Variants in CAMTA1 observed in about 807,000 individuals in gnomAD.
The protein encoded by CAMTA1 is calmodulin-binding transcription activator 1.
A neutral mutation model predicts 170.9 loss-of-function variants in CAMTA1; 27 were observed. The observed-to-expected ratio is 0.16, with a 90% CI of 0.12 to 0.22. CAMTA1 has a LOEUF of 0.22. Among genes scored for constraint, CAMTA1 ranks in the 10% least tolerant of loss-of-function variants. The pLI is 1.00. For synonymous variants in CAMTA1, 833 were observed against 891.5 expected, an observed-to-expected ratio of 0.93 and a Z score of 1.17; for missense variants, 1,619 against 2,217.2, an observed-to-expected ratio of 0.73 and a Z score of 5.42.
chr1:6,847,529 T>G (rs1341783771), intron 3 of CAMTA1, among the ~76,000 whole-genome samples: 2 of 151,538 alleles, frequency 1.3e-5, no homozygotes, highest in East Asian at 1.9e-4. Flanking sequence ...TATGCCACGT[T>G]GCGTTTAAAT....
chr1:6,939,143 T>A (rs1685973152), intron 3 of CAMTA1, among the ~76,000 whole-genome samples: 1 of 152,172 alleles, frequency 6.6e-6, no homozygotes, highest in East Asian at 1.9e-4. Context: ...CCTTTGGGAT[T>A]TGGGTTCGTA....
At chr1:6,863,255 A>G (rs1171611428) in intron 3 of CAMTA1, among the ~76,000 whole-genome samples, 1 of 152,208 alleles carries the variant, frequency 6.6e-6, no homozygotes, top group African/African-American at 2.4e-5. Flanking sequence ...ACCGTGCTGT[A>G]CATTACAGCC....
intron 5 of CAMTA1, among the ~76,000 whole-genome samples, chr1:7,351,539 C>T (rs1313990106): frequency 6.6e-6 from 1 of 152,224 alleles, no homozygotes; most frequent in Non-Finnish European, 1.5e-5. Flanking sequence ...GCGTGGAGGT[C>T]AGTGACTGAG....
chr1:7,629,716 A>G (rs1250829884), intron 6 of CAMTA1, among the ~76,000 whole-genome samples: 1 of 151,556 alleles, frequency 6.6e-6, no homozygotes, highest in Admixed American at 6.6e-5. Context: ...TCACCCCTGC[A>G]CTCCCTAGTT....
chr1:7,106,433 G>A (rs1021464108), intron 4 of CAMTA1, among the ~76,000 whole-genome samples: 1 of 151,960 alleles, frequency 6.6e-6, no homozygotes, highest in Non-Finnish European at 1.5e-5. Context: ...TCTCCTGTCC[G>A]GCCACTTCCC....
chr1:7,644,919 A>G (rs2095792804), intron 7 of CAMTA1, among the ~76,000 whole-genome samples: 2 of 152,338 alleles, frequency 1.3e-5, no homozygotes, highest in Admixed American at 1.3e-4. Context: ...TAGTGCACAG[A>G]ATTGCCCATC....
chr1:7,036,068 A>C (rs1329077362), intron 3 of CAMTA1, among the ~76,000 whole-genome samples: 1 of 152,220 alleles, frequency 6.6e-6, no homozygotes, highest in African/African-American at 2.4e-5. Context: ...ATAAAAACTA[A>C]ATGGAAGATA....
At chr1:7,493,529 A>G (rs2093773045) in intron 6 of CAMTA1, among the ~76,000 whole-genome samples, 1 of 152,220 alleles carries the variant, frequency 6.6e-6, no homozygotes, top group Non-Finnish European at 1.5e-5. Flanking sequence ...AGGGGCACAC[A>G]TAAGAAAGTG....
At chr1:7,336,231 C>T (rs1179023033) in intron 5 of CAMTA1, among the ~76,000 whole-genome samples, 3 of 152,196 alleles carry the variant, frequency 2.0e-5, no homozygotes, top group African/African-American at 7.2e-5. Context: ...ATGCCAGGAG[C>T]TCTACTGGCT....
At chr1:7,383,694 G>A (rs529062477) in intron 5 of CAMTA1, among the ~76,000 whole-genome samples, 17 of 152,072 alleles carry the variant, frequency 1.1e-4, no homozygotes, top group African/African-American at 1.4e-4. Flanking sequence ...TGCTACTGTC[G>A]ATGCTGTCGA....
intron 7 of CAMTA1, among the ~76,000 whole-genome samples, chr1:7,644,827 G>A (rs1457324664): frequency 6.6e-6 from 1 of 152,204 alleles, no homozygotes; most frequent in Non-Finnish European, 1.5e-5. Flanking sequence ...TGGGGAAAGA[G>A]GTTCTGCATG....
At chr1:7,143,571 A>G (rs748154494) in intron 4 of CAMTA1, among the ~76,000 whole-genome samples, 1 of 152,106 alleles carries the variant, frequency 6.6e-6, no homozygotes, top group Non-Finnish European at 1.5e-5. Flanking sequence ...GCTCCTTCCA[A>G]TACCTTCCAA....
rs369892303 is a variant in CAMTA1, at chr1:6,971,962, C to T, written c.235-119342C>T. 2.8e-4 allele frequency among the ~76,000 whole-genome samples: 42 copies of T among 152,276 alleles called. No individual in the cohort carries two copies. The South Asian group carries it at 8.7e-3, about 32-fold the overall frequency. ...CTGAGGGTTGGCCTTGTGTTCTGGA[C>T]AGGCCGTGAGCAGGAGACTGATCGT... On this transcript the variant is annotated intron_variant, in intron 3 of 22. Transcript: ENST00000303635. The surrounding 1 kb of genome is among the most constrained non-coding windows in gnomAD (Gnocchi z 4.6).
intron 3 of CAMTA1, among the ~76,000 whole-genome samples, chr1:6,888,479 G>GTCAT (rs1420830399): frequency 2.0e-5 from 3 of 152,144 alleles, no homozygotes; most frequent in African/African-American, 7.2e-5. Context: ...TCATGTCTCT[G>GTCAT]GAATACTGTA....
chr1:7,583,989 G>A (rs954193791), intron 6 of CAMTA1, among the ~76,000 whole-genome samples: 3 of 152,186 alleles, frequency 2.0e-5, no homozygotes, highest in African/African-American at 7.2e-5. Context: ...GAGCTGGGAT[G>A]GAGAATGGGG....
intron 6 of CAMTA1, among the ~76,000 whole-genome samples, chr1:7,598,721 G>A (rs1336384557): frequency 6.6e-6 from 1 of 152,106 alleles, no homozygotes; most frequent in Admixed American, 6.6e-5. Context: ...GTGTCTTTTG[G>A]CTGCATAAAT....
chr1:7,523,197 C>T (rs1035766040), intron 6 of CAMTA1, among the ~76,000 whole-genome samples: 2 of 152,152 alleles, frequency 1.3e-5, no homozygotes, highest in Admixed American at 6.5e-5. Context: ...GACTGTCTCT[C>T]CTCTGACATC....
intron 6 of CAMTA1, among the ~76,000 whole-genome samples, chr1:7,638,791 C>T (rs1446456596): frequency 1.3e-5 from 2 of 152,122 alleles, no homozygotes; most frequent in Admixed American, 6.5e-5. Context: ...AGATAAGCAG[C>T]GCTGCCTTCT....
intron 4 of CAMTA1, among the ~76,000 whole-genome samples, chr1:7,095,762 GC>G (rs1286124743): frequency 2.6e-5 from 4 of 152,220 alleles, no homozygotes; most frequent in Admixed American, 2.0e-4. Flanking sequence ...ATTGGAGTTA[GC>G]CCCCCAGTCA....
Sources: allele counts gnomAD v4.1 joint callset (sites outside exome capture counted in the v4.1 genomes callset), GRCh38; gene constraint gnomAD v4.1.1; non-coding constraint Gnocchi (gnomAD v3.1); transcripts MANE v1.5; gene names NCBI Gene and HGNC (gene_info 2026-07-23, HGNC 2026-07-21).